The following TOX variants were observed in gnomAD, a reference collection of about 807,000 sequenced individuals.
TOX encodes the protein thymocyte selection-associated high mobility group box protein TOX.
In TOX, 11 loss-of-function variants were observed where a neutral mutation model predicts 53.7. The observed-to-expected ratio is 0.20, with a 90% CI of 0.13 to 0.34. TOX has a LOEUF of 0.34. Ranked by LOEUF, TOX falls within the 10% of genes least tolerant of loss-of-function variation. The probability of loss-of-function intolerance (pLI) is 1.00; values close to 1 mark genes in which losing one functional copy is unlikely to be tolerated. For missense variants in TOX, 570 were observed against 664.6 expected, an observed-to-expected ratio of 0.86 and a Z score of 1.56; for synonymous variants, 225 against 245.3, an observed-to-expected ratio of 0.92 and a Z score of 0.77.
At chr8:58,901,328 A>T (rs1023173931) in intron 3 of TOX, among the ~76,000 whole-genome samples, 1 of 152,200 alleles carries the variant, frequency 6.6e-6, no homozygotes, top group African/African-American at 2.4e-5. Context: ...CATTTTATCA[A>T]CCAGCCATTT....
intron 2 of TOX, among the ~76,000 whole-genome samples, chr8:58,954,550 G>A (rs1236816005): frequency 6.6e-6 from 1 of 152,146 alleles, no homozygotes; most frequent in Non-Finnish European, 1.5e-5. Flanking sequence ...TGTGCCATGT[G>A]CCACCCAGGG....
At position 59,118,382 on chromosome 8, in the gene TOX, G is replaced by A. The variant is rs912993980; in HGVS notation, c.102+504C>T. 2.0e-5 allele frequency among the ~76,000 whole-genome samples: 3 copies of A among 152,156 alleles called. No individual in the cohort carries two copies. Among genetic ancestry groups the A allele is most frequent in the African/African-American group, 4.8e-5 (2 of 41,450 alleles). On this transcript the variant is annotated intron_variant, in intron 1 of 8. Coordinates refer to ENST00000361421, the MANE Select transcript of TOX (RefSeq NM_014729.3). The surrounding 1 kb of genome is among the most constrained non-coding windows in gnomAD (Gnocchi z 4.1). The stretch of plus-strand genomic sequence containing the variant: ...TGTGGGGCAGTTTTCCCTGTGGGGG[G>A]CAGGGGCGCCTCCCAGGTCCCTGCA...
chr8:58,914,751 C>T (rs1016594602), intron 3 of TOX, among the ~76,000 whole-genome samples: 3 of 133,804 alleles, frequency 2.2e-5, no homozygotes, highest in Admixed American at 7.3e-5. Context: ...GCGTGAGCGA[C>T]GCAGAAGACG....
chr8:59,051,109 T>C (rs36068531), intron 1 of TOX, among the ~76,000 whole-genome samples: 2 of 152,028 alleles, frequency 1.3e-5, no homozygotes, highest in African/African-American at 2.4e-5. Flanking sequence ...GCTGATGGCA[T>C]ACCCCGAACA....
intron 2 of TOX, among the ~76,000 whole-genome samples, chr8:58,949,320 C>T (rs1465441046): frequency 1.3e-5 from 2 of 152,160 alleles, no homozygotes; most frequent in African/African-American, 2.4e-5. Flanking sequence ...GCATTGCATT[C>T]ATGTTCTTTC....
intron 1 of TOX, among the ~76,000 whole-genome samples, chr8:59,116,123 A>C (rs969355506): frequency 1.3e-5 from 2 of 152,174 alleles, no homozygotes; most frequent in Non-Finnish European, 2.9e-5. Context: ...TAGGATTCTA[A>C]AGCACAGATA....
At chr8:59,050,124 T>G (rs878930532) in intron 1 of TOX, among the ~76,000 whole-genome samples, 1 of 152,164 alleles carries the variant, frequency 6.6e-6, no homozygotes, top group Admixed American at 6.6e-5. Flanking sequence ...TCCTAAGCCT[T>G]GTGCTAAATA....
At chr8:59,009,518 G>C (rs542221153) in intron 1 of TOX, among the ~76,000 whole-genome samples, 1 of 152,008 alleles carries the variant, frequency 6.6e-6, no homozygotes, top group Non-Finnish European at 1.5e-5. Flanking sequence ...GACTACAGAA[G>C]TGTGCCTCCA....
chr8:59,088,049 C>T (rs1022949569), intron 1 of TOX, among the ~76,000 whole-genome samples: 6 of 152,024 alleles, frequency 3.9e-5, no homozygotes, highest in African/African-American at 9.7e-5. Context: ...AAAATTTAAT[C>T]AAAGGGATGG....
At chr8:59,098,320 G>A (rs908368018) in intron 1 of TOX, among the ~76,000 whole-genome samples, 2 of 152,136 alleles carry the variant, frequency 1.3e-5, no homozygotes, top group African/African-American at 2.4e-5. Flanking sequence ...TCACTTCTAT[G>A]TGTGAACCAA....
At chr8:58,838,055 T>C in intron 5 of TOX, 26 bp downstream of exon 5, 2 of 1,606,866 alleles carry the variant, frequency 1.2e-6, no homozygotes, top group Non-Finnish European at 1.7e-6. Context: ...CTTATGTAGA[T>C]TCCCATTCCA....
chr8:59,009,610 T>C (rs1012423576), intron 1 of TOX, among the ~76,000 whole-genome samples: 1 of 152,114 alleles, frequency 6.6e-6, no homozygotes, highest in Non-Finnish European at 1.5e-5. Context: ...TGACCTCAAG[T>C]GATAAGCTCA....
At position 58,851,794 on chromosome 8, in the gene TOX, T is replaced by C; in HGVS notation, c.423A>G (p.Ile141Met). ...TGTACTGAGTTCCTTCTGGGTTTCGTATATCTGGCATCTACAATAAATAAA... is the reference window on the plus strand; with the variant it reads ...TGTACTGAGTTCCTTCTGGGTTTCGCATATCTGGCATCTACAATAAATAAA... ...LSNSISVMPD[I>M]RNPEGTQYSS... The change falls in exon 4 of 9, where the codon ATA becomes ATG. Residue 141 changes from isoleucine (I) to methionine (M), a missense_variant. Ile to Met is a conservative substitution (Grantham distance 10, BLOSUM62 1). Transcript: ENST00000361421. The surrounding 1 kb of genome is among the most constrained non-coding windows in gnomAD (Gnocchi z 4.4). The C allele has an allele frequency of 6.4e-7, 1 of 1,567,504 alleles. No homozygotes were observed. Among genetic ancestry groups the C allele is most frequent in the Middle Eastern group, 2.3e-4 (1 of 4,360 alleles).
intron 1 of TOX, among the ~76,000 whole-genome samples, chr8:59,013,552 AG>A (rs1350108327): frequency 6.6e-6 from 1 of 152,106 alleles, no homozygotes; most frequent in Admixed American, 6.5e-5. Context: ...CTGGAACTAC[AG>A]CCACGAGCCA....
In TOX at chr8:59,008,080, A is replaced by T. The variant is rs985242453; in HGVS notation, c.103-48072T>A. Among the ~76,000 whole-genome samples the T allele has an allele frequency of 2.6e-5, 4 of 152,216 alleles. No individual in the cohort carries two copies. In the South Asian group the frequency reaches 8.3e-4, roughly 31 times the overall value. On this transcript the variant is annotated intron_variant, in intron 1 of 8. Transcript: ENST00000361421. ...CTACACATTCTTTTCATTTTTGTAG[A>T]TTAAAATTATTTTCTTCCACTCATC...
At chr8:59,060,176 C>A (rs1473496481) in intron 1 of TOX, among the ~76,000 whole-genome samples, 1 of 152,154 alleles carries the variant, frequency 6.6e-6, no homozygotes, top group African/African-American at 2.4e-5. Context: ...TAATTGATAA[C>A]AGAGTGTTTA....
intron 2 of TOX, among the ~76,000 whole-genome samples, chr8:58,940,810 G>T (rs1812425490): frequency 6.6e-6 from 1 of 152,112 alleles, no homozygotes; most frequent in Non-Finnish European, 1.5e-5. Flanking sequence ...TTTCCAGATG[G>T]CGTCTATTTG....
intron 3 of TOX, among the ~76,000 whole-genome samples, chr8:58,873,100 T>A (rs1811224878): frequency 6.6e-6 from 1 of 152,122 alleles, no homozygotes; most frequent in South Asian, 2.1e-4. Flanking sequence ...GGTATATTAG[T>A]TCCCCAAATA....
chr8:58,971,583 T>A (rs775938789), intron 1 of TOX, among the ~76,000 whole-genome samples: 13 of 152,232 alleles, frequency 8.5e-5, no homozygotes, highest in Non-Finnish European at 1.6e-4. Flanking sequence ...CCATCATTAA[T>A]TGGAAAGATC....
Sources: gnomAD v4.1 joint callset for allele counts (sites outside exome capture counted in the v4.1 genomes callset) on GRCh38, gnomAD v4.1.1 for gene constraint, Gnocchi (gnomAD v3.1) non-coding constraint, MANE v1.5 for transcripts, NCBI Gene and HGNC (gene_info 2026-07-23, HGNC 2026-07-21) for gene names.